The following GUCY1A2 variants were observed in gnomAD, a reference collection of about 807,000 sequenced individuals.
The protein encoded by GUCY1A2 is guanylate cyclase soluble subunit alpha-2.
A neutral mutation model predicts 63.5 loss-of-function variants in GUCY1A2; 27 were observed. The observed-to-expected ratio is 0.43, with a 90% CI of 0.31 to 0.59. The LOEUF (loss-of-function observed/expected upper bound fraction) is 0.59, where lower values mean the gene tolerates loss of function less well. Among genes scored for constraint, GUCY1A2 ranks in the 20% least tolerant of loss-of-function variants. The pLI is 0.11. For missense variants in GUCY1A2, 768 were observed against 913.3 expected (o/e 0.84, Z 2.05); for synonymous variants, 364 against 343.5 (o/e 1.06, Z -0.66).
chr11:106,765,295 G>A (rs1350861575), intron 6 of GUCY1A2, among the ~76,000 whole-genome samples: 1 of 151,964 alleles, frequency 6.6e-6, no homozygotes, highest in African/African-American at 2.4e-5. Context: ...ATGACATCCT[G>A]AATATTTGCT....
At chr11:106,972,953 A>G (rs546289243) in intron 3 of GUCY1A2, among the ~76,000 whole-genome samples, 43 of 152,222 alleles carry the variant, frequency 2.8e-4, no homozygotes, top group Admixed American at 1.6e-3. Flanking sequence ...TGACTTGTAT[A>G]ACTTAAGGAT....
At chr11:106,846,145 T>G (rs1027771768) in intron 4 of GUCY1A2, among the ~76,000 whole-genome samples, 1 of 151,576 alleles carries the variant, frequency 6.6e-6, no homozygotes, top group Non-Finnish European at 1.5e-5. Flanking sequence ...TAATACTCAA[T>G]TGGATCCTAG....
chr11:106,749,647 T>C (rs573385407), intron 6 of GUCY1A2, among the ~76,000 whole-genome samples: 3 of 152,088 alleles, frequency 2.0e-5, no homozygotes, highest in Admixed American at 6.6e-5. Flanking sequence ...CCTAGACAGA[T>C]AATTTAAGAG....
chr11:106,787,326 T>A (rs1167212236), intron 5 of GUCY1A2, among the ~76,000 whole-genome samples: 2 of 151,202 alleles, frequency 1.3e-5, no homozygotes, highest in Non-Finnish European at 2.9e-5. Context: ...CAGTGTCTAG[T>A]AACCACCCTT....
chr11:106,844,848 T>C (rs1859249682), intron 4 of GUCY1A2, among the ~76,000 whole-genome samples: 1 of 151,746 alleles, frequency 6.6e-6, no homozygotes, highest in African/African-American at 2.4e-5. Flanking sequence ...TATCTTACTC[T>C]TCTCTAATAT....
rs568149470 is a variant in GUCY1A2, at chr11:107,012,752, A to C, written c.303+5001T>G. On this transcript the variant is annotated intron_variant, in intron 1 of 7. Transcript: ENST00000526355. ...TTCAACAAATGTGAAAACATTAAAC[A>C]ACTGAAATATACTTTATATAATTTT... is the stretch of plus-strand genomic sequence containing the variant. 3.9e-5 allele frequency among the ~76,000 whole-genome samples: 6 copies of C among 152,340 alleles called. No individual in the cohort carries two copies. The East Asian group carries it at 1.2e-3, about 29-fold the overall frequency.
At chr11:106,781,126 A>G (rs1026453210) in intron 5 of GUCY1A2, among the ~76,000 whole-genome samples, 1 of 149,040 alleles carries the variant, frequency 6.7e-6, no homozygotes, top group Non-Finnish European at 1.5e-5. Context: ...AAAAAAAAAA[A>G]AAAAAAAGAA....
intron 5 of GUCY1A2, among the ~76,000 whole-genome samples, chr11:106,806,245 G>T (rs1858683055): frequency 6.6e-6 from 1 of 152,158 alleles, no homozygotes. Flanking sequence ...TCACTGAAAT[G>T]CTTATGATGT....
rs750346352 is a variant in GUCY1A2, at chr11:106,721,696, G to A, written c.1837-13030C>T. Reference sequence around the variant, plus strand: ...ATTTGACCCAATATTACTTTTAGGGGTTAATTATGAAAACGAAATCAACCT... The same window carrying A: ...ATTTGACCCAATATTACTTTTAGGGATTAATTATGAAAACGAAATCAACCT... On this transcript the variant is annotated intron_variant, in intron 6 of 7. Coordinates refer to ENST00000526355, the MANE Select transcript of GUCY1A2 (RefSeq NM_000855.3). Among the ~76,000 whole-genome samples the A allele has an allele frequency of 3.9e-5, 6 of 152,150 alleles. 1 individual carries two copies. The South Asian group carries it at 1.0e-3, about 26-fold the overall frequency.
At chr11:106,850,060 C>A (rs1324021761) in intron 4 of GUCY1A2, among the ~76,000 whole-genome samples, 2 of 151,646 alleles carry the variant, frequency 1.3e-5, no homozygotes, top group East Asian at 1.9e-4. Context: ...TCCCTCCCTG[C>A]GTCAGTCATA....
At chr11:106,734,961 C>A (rs528706221) in intron 6 of GUCY1A2, among the ~76,000 whole-genome samples, 1 of 151,912 alleles carries the variant, frequency 6.6e-6, no homozygotes, top group Non-Finnish European at 1.5e-5. Context: ...ATAAAATACT[C>A]TCCTAGTATT....
intron 2 of GUCY1A2, among the ~76,000 whole-genome samples, chr11:106,984,716 A>G (rs1861379871): frequency 6.6e-6 from 1 of 152,220 alleles, no homozygotes; most frequent in Middle Eastern, 3.2e-3. Context: ...ACGAGGAACT[A>G]TTTTAAGTAT....
At chr11:106,764,774 A>G (rs1241394586) in intron 6 of GUCY1A2, among the ~76,000 whole-genome samples, 1 of 151,854 alleles carries the variant, frequency 6.6e-6, no homozygotes, top group Non-Finnish European at 1.5e-5. Context: ...ATAAAATTCT[A>G]CTCTGGGCAT....
At chr11:107,006,427 T>C (rs1045235523) in intron 1 of GUCY1A2, among the ~76,000 whole-genome samples, 1 of 152,220 alleles carries the variant, frequency 6.6e-6, no homozygotes, top group Admixed American at 6.5e-5. Context: ...TCTATTGAGT[T>C]GCAGGATCAG....
intron 5 of GUCY1A2, among the ~76,000 whole-genome samples, chr11:106,801,071 G>T (rs1357117105): frequency 6.6e-6 from 1 of 151,910 alleles, no homozygotes; most frequent in Non-Finnish European, 1.5e-5. Flanking sequence ...TTTAACTTTT[G>T]TACAAAGATC....
chr11:106,948,375 A>C (rs1048844224), intron 3 of GUCY1A2, among the ~76,000 whole-genome samples: 18 of 152,196 alleles, frequency 1.2e-4, no homozygotes, highest in African/African-American at 4.3e-4. Flanking sequence ...ATGAAACGGT[A>C]GTTCAGCAGT....
chr11:107,017,683 G>A lies in GUCY1A2; in HGVS notation c.303+70C>T, dbSNP rs1861842781. 11 of 985,282 alleles carry A rather than the reference G, an allele frequency of 1.1e-5. No individual in the cohort carries two copies. The Admixed American group carries it at 1.6e-4, about 14-fold the overall frequency. The allele number at this position is 985,282 out of a possible 1,614,324, so 61.0% of individuals were successfully genotyped here. A position where few individuals can be genotyped will look rare whatever the true frequency, so the allele number is the denominator to read the frequency against. On this transcript the variant is annotated intron_variant, in intron 1 of 7. Coordinates refer to ENST00000526355, the MANE Select transcript of GUCY1A2 (RefSeq NM_000855.3). ...GGGCTCTGCGCTCGCGCCCCGGCTC[G>A]CCCAGCGCCAACTTTACAGATCCGC...
chr11:107,014,079 C>CTTTTTTTTTTTT (rs71044206), intron 1 of GUCY1A2, among the ~76,000 whole-genome samples: 2 of 70,020 alleles, frequency 2.9e-5, no homozygotes, highest in African/African-American at 5.9e-5. Flanking sequence ...CCATGTTTTC[C>CTTTTTTTTTTTT]TTTTTTTTTT....
intron 3 of GUCY1A2, among the ~76,000 whole-genome samples, chr11:106,950,369 CAG>C (rs1265278102): frequency 1.3e-5 from 2 of 152,198 alleles, no homozygotes; most frequent in Non-Finnish European, 2.9e-5. Flanking sequence ...CAGTAAGGTG[CAG>C]AGTCAAAGAA....
Sources: allele counts gnomAD v4.1 joint callset (sites outside exome capture counted in the v4.1 genomes callset), GRCh38; gene constraint gnomAD v4.1.1; transcripts MANE v1.5; gene names NCBI Gene and HGNC (gene_info 2026-07-23, HGNC 2026-07-21).